The following CNTNAP2 variants were observed in gnomAD, a reference collection of about 807,000 sequenced individuals.
CNTNAP2 encodes the protein contactin-associated protein-like 2.
In CNTNAP2, 98 loss-of-function variants were observed where a neutral mutation model predicts 155.2. The ratio of observed to expected loss-of-function variants is 0.63; its 90% confidence interval spans 0.54 to 0.75. CNTNAP2 has a LOEUF of 0.75. CNTNAP2 is among the 30% of genes least tolerant of loss of function. The pLI, the probability that CNTNAP2 is intolerant of heterozygous loss-of-function variation, is 0.00. For missense variants in CNTNAP2, 1,727 were observed against 1,688.1 expected (o/e 1.02, Z -0.40); for synonymous variants, 651 against 631.2 (o/e 1.03, Z -0.47).
rs556603181 is a variant in CNTNAP2 at position 146,928,826 on chromosome 7, G to A, written c.402+88922G>A. ...GAGGGTCCTACGCCCACGGAGTCTC[G>A]CTGGTTGCTAGCACAGCAGTCTGAG... On this transcript the variant is annotated intron_variant, in intron 3 of 23. Coordinates refer to ENST00000361727, the MANE Select transcript of CNTNAP2 (RefSeq NM_014141.6). Among the ~76,000 whole-genome samples the A allele has an allele frequency of 1.2e-4, 18 of 152,300 alleles. No individual in the cohort carries two copies. In the South Asian group the frequency reaches 1.7e-3, roughly 14 times the overall value.
At chr7:147,230,513 A>T (rs2888442) in intron 8 of CNTNAP2, among the ~76,000 whole-genome samples, 121,139 of 152,154 alleles carry the variant, frequency 0.8, 48,717 homozygotes, top group African/African-American at 0.91. Flanking sequence ...CCTCTGAAAG[A>T]GCTGGGATTG....
intron 13 of CNTNAP2, among the ~76,000 whole-genome samples, chr7:147,827,905 A>G (rs1798486318): frequency 6.6e-6 from 1 of 152,200 alleles, no homozygotes; most frequent in South Asian, 2.1e-4. Context: ...TAGAAATTCT[A>G]CAAGAAAGGA....
intron 15 of CNTNAP2, among the ~76,000 whole-genome samples, chr7:148,100,712 C>T (rs1804080389): frequency 6.6e-6 from 1 of 152,176 alleles, no homozygotes; most frequent in African/African-American, 2.4e-5. Context: ...TCTTCAAATA[C>T]ATACAGTAAT....
At chr7:148,295,897 G>GA (rs1797275246) in intron 21 of CNTNAP2, among the ~76,000 whole-genome samples, 1 of 152,158 alleles carries the variant, frequency 6.6e-6, no homozygotes, top group Non-Finnish European at 1.5e-5. Flanking sequence ...CATTATCGCT[G>GA]TAAAAAGCAA....
chr7:147,518,955 C>T (rs1420511107), intron 11 of CNTNAP2, among the ~76,000 whole-genome samples: 4 of 84,838 alleles, frequency 4.7e-5, no homozygotes, highest in Admixed American at 1.3e-4. Flanking sequence ...CGCTTGAACC[C>T]GGGAGGCGGA....
intron 11 of CNTNAP2, among the ~76,000 whole-genome samples, chr7:147,550,237 A>T (rs974817160): frequency 1.3e-5 from 2 of 152,110 alleles, no homozygotes; most frequent in African/African-American, 4.8e-5. Flanking sequence ...ATATGGTTTG[A>T]CTGTGTCCCC....
chr7:146,884,785 A>G (rs1795624376), intron 3 of CNTNAP2, among the ~76,000 whole-genome samples: 1 of 152,180 alleles, frequency 6.6e-6, no homozygotes. Context: ...GAGGGGAAGT[A>G]GAGAGTAAAT....
At chr7:146,379,639 A>G (rs925192207) in intron 1 of CNTNAP2, among the ~76,000 whole-genome samples, 4 of 152,168 alleles carry the variant, frequency 2.6e-5, no homozygotes, top group African/African-American at 9.7e-5. Flanking sequence ...TGTTAGGAGA[A>G]CCAATATTGC....
chr7:146,457,494 AT>A (rs1796573143), intron 1 of CNTNAP2, among the ~76,000 whole-genome samples: 1 of 2,362 alleles, frequency 4.2e-4, no homozygotes, highest in Non-Finnish European at 9.4e-4. Context: ...ATATATATAT[AT>A]ATATATATAT....
At chr7:147,174,497 T>C (rs552906871) in intron 8 of CNTNAP2, among the ~76,000 whole-genome samples, 7 of 152,246 alleles carry the variant, frequency 4.6e-5, no homozygotes, top group African/African-American at 1.7e-4. Context: ...CCAACAGATA[T>C]TGTCTCTCAA....
At chr7:148,118,611 G>T (rs1798666624) in intron 16 of CNTNAP2, among the ~76,000 whole-genome samples, 1 of 152,156 alleles carries the variant, frequency 6.6e-6, no homozygotes, top group Non-Finnish European at 1.5e-5. Flanking sequence ...AAAGAGACAG[G>T]GTCAAAAATA....
chr7:146,179,372 C>T (rs1350844583), intron 1 of CNTNAP2, among the ~76,000 whole-genome samples: 1 of 148,822 alleles, frequency 6.7e-6, no homozygotes, highest in East Asian at 1.9e-4. Flanking sequence ...AAAGCCAAGA[C>T]TATCTGATAT....
intron 1 of CNTNAP2, among the ~76,000 whole-genome samples, chr7:146,614,497 C>T (rs1021992713): frequency 6.6e-6 from 1 of 152,098 alleles, no homozygotes; most frequent in Non-Finnish European, 1.5e-5. Context: ...GAATATGATT[C>T]TTTGGTTATG....
intron 1 of CNTNAP2, among the ~76,000 whole-genome samples, chr7:146,723,944 G>A (rs780533754): frequency 3.1e-4 from 47 of 151,966 alleles, no homozygotes; most frequent in Non-Finnish European, 4.6e-4. Context: ...AGGCTTTTTT[G>A]TTTTGTTTTG....
chr7:148,022,423 C>T (rs550282644), intron 15 of CNTNAP2, among the ~76,000 whole-genome samples: 78 of 147,744 alleles, frequency 5.3e-4, no homozygotes, highest in African/African-American at 1.9e-3. Context: ...GAGCCGAGAT[C>T]GTGCCACTGC....
chr7:147,784,381 C>CATATATATATATATATATATATAT lies in CNTNAP2; in HGVS notation c.2099-119181_2099-119158dup, dbSNP rs60221349. On this transcript the variant is annotated intron_variant, in intron 13 of 23. Transcript: ENST00000361727. Reference sequence around the variant, plus strand: ...TTCATAGCCCTCTACAAACTAAAAACATATATATATATATATATATATATA... The same window carrying CATATATATATATATATATATATAT: ...TTCATAGCCCTCTACAAACTAAAAACATATATATATATATATATATATATATATATATATATATATATATATATA... Among the ~76,000 whole-genome samples, 300 of 99,168 alleles carry CATATATATATATATATATATATAT rather than the reference C, an allele frequency of 3.0e-3. 4 individuals are homozygous for CATATATATATATATATATATATAT. The highest frequency in any genetic ancestry group is 4.7e-3 in the Non-Finnish European group (211 of 44,754). 65.1% of individuals were successfully genotyped at this position (99,168 alleles called of 152,430 possible). A position where few individuals can be genotyped will look rare whatever the true frequency, so the allele number is the denominator to read the frequency against.
intron 14 of CNTNAP2, among the ~76,000 whole-genome samples, chr7:147,905,192 G>A (rs1444392422): frequency 6.6e-6 from 1 of 152,156 alleles, no homozygotes; most frequent in Non-Finnish European, 1.5e-5. Flanking sequence ...TCTTAAGCCA[G>A]GCAGACCTTC....
At chr7:147,638,841 C>CCT in intron 12 of CNTNAP2, 1 of 508,008 alleles carries the variant, frequency 2.0e-6, no homozygotes. Context: ...GATACAAAAG[C>CCT]TTTTTTTTTT....
At chr7:146,758,113 C>T (rs1045776623) in intron 1 of CNTNAP2, among the ~76,000 whole-genome samples, 4 of 152,134 alleles carry the variant, frequency 2.6e-5, no homozygotes, top group Non-Finnish European at 4.4e-5. Flanking sequence ...TAGATGAGAT[C>T]GCAAATTCTC....
Sources: gnomAD v4.1 joint callset for allele counts (sites outside exome capture counted in the v4.1 genomes callset) on GRCh38, gnomAD v4.1.1 for gene constraint, MANE v1.5 for transcripts, NCBI Gene and HGNC (gene_info 2026-07-23, HGNC 2026-07-21) for gene names.